RBMS3: variants seen among roughly 807,000 people sequenced by gnomAD.
RBMS3 encodes the protein RNA-binding motif, single-stranded-interacting protein 3.
RBMS3 carries 27 observed loss-of-function variants against 66.8 expected under a neutral mutation model. That is an observed-to-expected ratio of 0.40 (90% CI 0.30 to 0.56). RBMS3 has a LOEUF of 0.56. Ranked by LOEUF, RBMS3 falls within the 20% of genes least tolerant of loss-of-function variation. The pLI, the probability that RBMS3 is intolerant of heterozygous loss-of-function variation, is 0.40. For missense variants in RBMS3, 513 were observed against 549.5 expected, an observed-to-expected ratio of 0.93 and a Z score of 0.66; for synonymous variants, 188 against 183.0, an observed-to-expected ratio of 1.03 and a Z score of -0.22.
intron 4 of RBMS3, among the ~76,000 whole-genome samples, chr3:29,618,550 T>A (rs1356022285): frequency 6.6e-6 from 1 of 151,916 alleles, no homozygotes; most frequent in African/African-American, 2.4e-5. Context: ...AAAGCCCATT[T>A]CTCCTCCTTG....
chr3:29,890,420 C>A (rs140089763), intron 8 of RBMS3, among the ~76,000 whole-genome samples: 3 of 151,486 alleles, frequency 2.0e-5, no homozygotes, highest in Non-Finnish European at 3.0e-5. Context: ...AGATAAGTAA[C>A]CTAACAGAAA....
At chr3:29,298,635 TACTC>T (rs2033457043) in intron 1 of RBMS3, among the ~76,000 whole-genome samples, 1 of 151,852 alleles carries the variant, frequency 6.6e-6, no homozygotes, top group Non-Finnish European at 1.5e-5. Context: ...TCTTTTTGCT[TACTC>T]ACATGTTTAC....
intron 3 of RBMS3, among the ~76,000 whole-genome samples, chr3:29,531,250 T>A (rs2045341830): frequency 6.6e-6 from 1 of 152,234 alleles, no homozygotes; most frequent in African/African-American, 2.4e-5. Context: ...AGACTTTGTA[T>A]CAAACCAAGT....
At chr3:29,465,440 T>TA (rs1002169515) in intron 2 of RBMS3, among the ~76,000 whole-genome samples, 4 of 151,892 alleles carry the variant, frequency 2.6e-5, no homozygotes, top group African/African-American at 9.7e-5. Context: ...TCCAGAGTAA[T>TA]ATGTTCCTCC....
At chr3:29,966,579 C>T (rs1289647374) in intron 12 of RBMS3, among the ~76,000 whole-genome samples, 2 of 152,154 alleles carry the variant, frequency 1.3e-5, no homozygotes, top group African/African-American at 2.4e-5. Flanking sequence ...TTGATCAGTT[C>T]TAGGAGTTTT....
At chr3:29,609,066 C>G (rs998988899) in intron 4 of RBMS3, among the ~76,000 whole-genome samples, 1 of 151,748 alleles carries the variant, frequency 6.6e-6, no homozygotes, top group East Asian at 1.9e-4. Flanking sequence ...CTGTTGTGGA[C>G]TGATGCTTTT....
rs530839679 is a variant in RBMS3, at chr3:29,348,541, G to C, written c.75+66785G>C. ...ATATTTGTGGTAGACTTAAGGCCGT[G>C]AGAAATTTTCACTCTTGACTTCTCT... On this transcript the variant is annotated intron_variant, in intron 1 of 14. Transcript: ENST00000383767. Among the ~76,000 whole-genome samples the C allele has an allele frequency of 3.3e-4, 49 of 148,742 alleles. No individual in the cohort carries two copies. In the South Asian group the frequency reaches 3.8e-3, roughly 12 times the overall value.
intron 11 of RBMS3, among the ~76,000 whole-genome samples, chr3:29,940,617 G>T (rs1355891154): frequency 1.3e-5 from 2 of 151,752 alleles, no homozygotes; most frequent in African/African-American, 4.8e-5. Flanking sequence ...TCCTTTTCAT[G>T]AAAGAAGATA....
intron 1 of RBMS3, among the ~76,000 whole-genome samples, chr3:29,379,708 C>G (rs556246666): frequency 7.2e-5 from 11 of 152,256 alleles, no homozygotes; most frequent in African/African-American, 2.4e-4. Flanking sequence ...GGGGACACAG[C>G]GAAGCTATGT....
chr3:29,622,854 C>T (rs2048914117), intron 4 of RBMS3, among the ~76,000 whole-genome samples: 1 of 152,104 alleles, frequency 6.6e-6, no homozygotes, highest in Non-Finnish European at 1.5e-5. Flanking sequence ...AGCGGTGGCT[C>T]ACAGCTGTAA....
chr3:29,725,992 T>C (rs2053853742), intron 4 of RBMS3, among the ~76,000 whole-genome samples: 3 of 152,158 alleles, frequency 2.0e-5, no homozygotes, highest in Non-Finnish European at 1.5e-5. Flanking sequence ...TGGCAGCACA[T>C]GAAAAAGCTT....
intron 3 of RBMS3, among the ~76,000 whole-genome samples, chr3:29,562,485 A>G (rs766807007): frequency 5.3e-5 from 8 of 152,184 alleles, no homozygotes; most frequent in Non-Finnish European, 1.2e-4. Flanking sequence ...CCACTGGTCT[A>G]CAAGGAAGAA....
chr3:29,773,908 A>G (rs949695642), intron 6 of RBMS3, among the ~76,000 whole-genome samples: 1 of 152,034 alleles, frequency 6.6e-6, no homozygotes, highest in Non-Finnish European at 1.5e-5. Flanking sequence ...GCTGTCTAAC[A>G]CCACATCCTT....
chr3:29,981,636 A>T (rs1180749359), intron 12 of RBMS3, among the ~76,000 whole-genome samples: 1 of 152,150 alleles, frequency 6.6e-6, no homozygotes, highest in East Asian at 1.9e-4. Context: ...TTTTAGCATG[A>T]AGGGCTATTG....
chr3:29,353,248 T>A (rs1465220170), intron 1 of RBMS3, among the ~76,000 whole-genome samples: 1 of 151,950 alleles, frequency 6.6e-6, no homozygotes, highest in African/African-American at 2.4e-5. Context: ...TTATGGCACA[T>A]TTTTATTATG....
chr3:29,607,552 A>T (rs568901189), intron 4 of RBMS3, among the ~76,000 whole-genome samples: 3 of 152,122 alleles, frequency 2.0e-5, no homozygotes, highest in Admixed American at 6.6e-5. Context: ...TGGAGTTACT[A>T]TTTCAAAATA....
At chr3:29,288,529 A>T (rs1437150389) in intron 1 of RBMS3, among the ~76,000 whole-genome samples, 3 of 151,952 alleles carry the variant, frequency 2.0e-5, no homozygotes, top group Non-Finnish European at 4.4e-5. Flanking sequence ...ATTAAGGTGT[A>T]TCCAAAAACT....
chr3:29,843,281 A>C (rs997692283), intron 6 of RBMS3, among the ~76,000 whole-genome samples: 1 of 152,214 alleles, frequency 6.6e-6, no homozygotes, highest in African/African-American at 2.4e-5. Flanking sequence ...TTAGAAGACA[A>C]ATTTTCCTTG....
chr3:29,297,074 A>C (rs1388585476), intron 1 of RBMS3, among the ~76,000 whole-genome samples: 1 of 151,742 alleles, frequency 6.6e-6, no homozygotes, highest in Non-Finnish European at 1.5e-5. Context: ...GTTAGGTGAA[A>C]GGACTCTGAG....
Sources: gnomAD v4.1 joint callset for allele counts (sites outside exome capture counted in the v4.1 genomes callset) on GRCh38, gnomAD v4.1.1 for gene constraint, MANE v1.5 for transcripts, NCBI Gene and HGNC (gene_info 2026-07-23, HGNC 2026-07-21) for gene names.